The following TMEM132D variants were observed in gnomAD, a reference collection of about 807,000 sequenced individuals.
The protein encoded by TMEM132D is mature OL transmembrane protein.
A neutral mutation model predicts 62.3 loss-of-function variants in TMEM132D; 21 were observed. That is an observed-to-expected ratio of 0.34 (90% CI 0.24 to 0.49). The LOEUF (loss-of-function observed/expected upper bound fraction) is 0.49, where lower values mean the gene tolerates loss of function less well. Among genes scored for constraint, TMEM132D ranks in the 20% least tolerant of loss-of-function variants. The pLI is 0.99. For missense variants in TMEM132D, 1,346 were observed against 1,402.8 expected, an observed-to-expected ratio of 0.96 and a Z score of 0.65; for synonymous variants, 621 against 575.6, an observed-to-expected ratio of 1.08 and a Z score of -1.13.
chr12:129,328,126 T>C (rs1868978237), intron 4 of TMEM132D, among the ~76,000 whole-genome samples: 1 of 152,174 alleles, frequency 6.6e-6, no homozygotes, highest in Admixed American at 6.5e-5. Context: ...ATGTCATCTC[T>C]GCAGGAACAA....
chr12:129,816,807 C>T (rs1324728179), intron 1 of TMEM132D, among the ~76,000 whole-genome samples: 3 of 152,278 alleles, frequency 2.0e-5, no homozygotes, highest in Non-Finnish European at 4.4e-5. Flanking sequence ...ACAGCATTTG[C>T]TAAAACGAAC....
At chr12:129,721,730 C>T (rs1012086106) in intron 1 of TMEM132D, among the ~76,000 whole-genome samples, 8 of 152,144 alleles carry the variant, frequency 5.3e-5, no homozygotes, top group African/African-American at 1.2e-4. Flanking sequence ...CCTGCATGTA[C>T]GGACCCTCTG....
At chr12:129,148,413 G>A (rs1024328257) in intron 5 of TMEM132D, among the ~76,000 whole-genome samples, 3 of 152,096 alleles carry the variant, frequency 2.0e-5, no homozygotes, top group African/African-American at 4.8e-5. Flanking sequence ...TCATCACAAG[G>A]GTCCTTAAAA....
chr12:129,786,748 G>A (rs569961779), intron 1 of TMEM132D, among the ~76,000 whole-genome samples: 1 of 152,318 alleles, frequency 6.6e-6, no homozygotes, highest in South Asian at 2.1e-4. Flanking sequence ...AATATTGGCT[G>A]AGCTTGGTGG....
In TMEM132D at chr12:129,587,698, C is replaced by T. The variant is rs1184601289; in HGVS notation, c.969-56493G>A. Among the ~76,000 whole-genome samples the T allele has an allele frequency of 3.3e-5, 5 of 152,262 alleles. No homozygotes were observed. In the South Asian group the frequency reaches 6.2e-4, roughly 19 times the overall value. On this transcript the variant is annotated intron_variant, in intron 2 of 8. Transcript: ENST00000422113. ...CCTTGACATTCACCTTAGGCCTTCT[C>T]GGCTCTCACCATCCCTATTCAATGG...
At position 129,224,808 on chromosome 12, in the gene TMEM132D, A is replaced by G. The variant is rs1409533949; in HGVS notation, c.1300-15145T>C. ...AGTCCCAGCTACTCAGGAGGCTGAG[A>G]CATGAGACTCCCTTGAACCTGGGAG... On this transcript the variant is annotated intron_variant, in intron 4 of 8. Transcript: ENST00000422113. 3.3e-5 allele frequency among the ~76,000 whole-genome samples: 5 copies of G among 152,130 alleles called. No individual in the cohort carries two copies. The East Asian group carries it at 9.6e-4, about 29-fold the overall frequency.
At chr12:129,896,682 T>C (rs1290984209) in intron 1 of TMEM132D, among the ~76,000 whole-genome samples, 2 of 152,210 alleles carry the variant, frequency 1.3e-5, no homozygotes, top group Admixed American at 1.3e-4. Context: ...TTGGAACCTC[T>C]TGTCTTTCCA....
chr12:129,800,467 C>A (rs780418586), intron 1 of TMEM132D, among the ~76,000 whole-genome samples: 15 of 151,908 alleles, frequency 9.9e-5, no homozygotes, highest in Non-Finnish European at 2.2e-4. Flanking sequence ...AGAGTCCTAG[C>A]CCCTCTCCAT....
chr12:129,491,483 C>T (rs1367310072), intron 3 of TMEM132D, among the ~76,000 whole-genome samples: 2 of 152,182 alleles, frequency 1.3e-5, no homozygotes, highest in Non-Finnish European at 2.9e-5. Context: ...CTTGCTCCCA[C>T]ATTTAGGTTG....
intron 5 of TMEM132D, among the ~76,000 whole-genome samples, chr12:129,141,219 G>C (rs1876732898): frequency 6.6e-6 from 1 of 152,136 alleles, no homozygotes; most frequent in South Asian, 2.1e-4. Context: ...AAGTTCAATG[G>C]TCAGCCTGGT....
chr12:129,391,794 T>C (rs952396350), intron 3 of TMEM132D, among the ~76,000 whole-genome samples: 1 of 152,210 alleles, frequency 6.6e-6, no homozygotes, highest in African/African-American at 2.4e-5. Flanking sequence ...TCTCGTTCTG[T>C]TGTCCAGGCT....
At chr12:129,748,450 T>C (rs944971946) in intron 1 of TMEM132D, among the ~76,000 whole-genome samples, 1 of 152,188 alleles carries the variant, frequency 6.6e-6, no homozygotes, top group Non-Finnish European at 1.5e-5. Flanking sequence ...GAGCACTTCA[T>C]GTTTTTGAGC....
chr12:129,221,102 C>T (rs1446456787), intron 4 of TMEM132D, among the ~76,000 whole-genome samples: 5 of 152,226 alleles, frequency 3.3e-5, no homozygotes, highest in Non-Finnish European at 5.9e-5. Context: ...GTGAACACTT[C>T]TAGCCACTAA....
intron 3 of TMEM132D, among the ~76,000 whole-genome samples, chr12:129,367,794 T>C (rs1246645388): frequency 9.6e-6 from 1 of 103,956 alleles, no homozygotes; most frequent in African/African-American, 3.7e-5. Context: ...TTTTTTTTTT[T>C]CGTTTTTTTG....
At chr12:129,120,408 G>A (rs1876022233) in intron 5 of TMEM132D, among the ~76,000 whole-genome samples, 1 of 152,154 alleles carries the variant, frequency 6.6e-6, no homozygotes, top group African/African-American at 2.4e-5. Context: ...ACATCACACA[G>A]GGATGTTCTT....
At chr12:129,885,438 C>T (rs1874721222) in intron 1 of TMEM132D, among the ~76,000 whole-genome samples, 1 of 152,206 alleles carries the variant, frequency 6.6e-6, no homozygotes, top group African/African-American at 2.4e-5. Flanking sequence ...ATCAGAATCA[C>T]TTTGGGAGCT....
chr12:129,877,874 G>T (rs186816144), intron 1 of TMEM132D, among the ~76,000 whole-genome samples: 132 of 152,322 alleles, frequency 8.7e-4, no homozygotes, highest in African/African-American at 2.9e-3. Flanking sequence ...AGCCTGGAGT[G>T]ATTCCTAAAG....
intron 1 of TMEM132D, among the ~76,000 whole-genome samples, chr12:129,796,830 T>G (rs1273158238): frequency 6.6e-6 from 1 of 152,178 alleles, no homozygotes; most frequent in Non-Finnish European, 1.5e-5. Context: ...TATACCTATG[T>G]AACCAACCTG....
chr12:129,832,068 T>C (rs2137335189), intron 1 of TMEM132D, among the ~76,000 whole-genome samples: 1 of 136,590 alleles, frequency 7.3e-6, no homozygotes, highest in Non-Finnish European at 1.6e-5. Flanking sequence ...TTTTGTATTT[T>C]AGTAGAGACG....
Sources: gnomAD v4.1 joint callset for allele counts (sites outside exome capture counted in the v4.1 genomes callset) on GRCh38, gnomAD v4.1.1 for gene constraint, MANE v1.5 for transcripts, NCBI Gene and HGNC (gene_info 2026-07-23, HGNC 2026-07-21) for gene names.